The following MYO16 variants were observed in gnomAD, a reference collection of about 807,000 sequenced individuals.
The protein encoded by MYO16 is myosin XVI.
A neutral mutation model predicts 205.3 loss-of-function variants in MYO16; 94 were observed. The observed-to-expected ratio is 0.46, with a 90% CI of 0.39 to 0.54. The LOEUF (loss-of-function observed/expected upper bound fraction) is 0.54. Among genes scored for constraint, MYO16 ranks in the 20% least tolerant of loss-of-function variants. MYO16 has a pLI of 0.00. For synonymous variants in MYO16, 988 were observed against 954.0 expected, an observed-to-expected ratio of 1.04 and a Z score of -0.66; for missense variants, 2,315 against 2,387.5, an observed-to-expected ratio of 0.97 and a Z score of 0.63.
chr13:108,787,517 C>T (rs139112819), intron 5 of MYO16, among the ~76,000 whole-genome samples: 134 of 152,288 alleles, frequency 8.8e-4, no homozygotes, highest in Non-Finnish European at 1.7e-3. Context: ...TAAACCTCTC[C>T]AACTCATTAC....
At chr13:109,078,809 G>T (rs948173291) in intron 27 of MYO16, among the ~76,000 whole-genome samples, 2 of 152,126 alleles carry the variant, frequency 1.3e-5, no homozygotes, top group African/African-American at 4.8e-5. Context: ...ATCGAGTTTT[G>T]TACGCAGTGC....
intron 20 of MYO16, among the ~76,000 whole-genome samples, chr13:108,981,410 A>G (rs1181147956): frequency 6.6e-6 from 1 of 152,248 alleles, no homozygotes; most frequent in East Asian, 1.9e-4. Flanking sequence ...GTACAATATA[A>G]GTTTGATGCT....
At chr13:108,872,798 TATATC>T (rs1394230133) in intron 12 of MYO16, among the ~76,000 whole-genome samples, 2 of 152,104 alleles carry the variant, frequency 1.3e-5, no homozygotes, top group African/African-American at 4.8e-5. Context: ...ATACAAAAAA[TATATC>T]AGGTAAAAGA....
intron 16 of MYO16, among the ~76,000 whole-genome samples, chr13:108,926,683 C>T (rs1882022516): frequency 6.6e-6 from 1 of 152,084 alleles, no homozygotes. Flanking sequence ...GATGTTTTCT[C>T]AAGCAGTTTT....
In MYO16 at chr13:108,600,588, A is replaced by C. The variant is rs563425829; in HGVS notation, c.-39+4349A>C. Among the ~76,000 whole-genome samples the C allele has an allele frequency of 5.9e-5, 9 of 152,312 alleles. No individual in the cohort carries two copies. The South Asian group carries it at 1.9e-3, about 32-fold the overall frequency. On this transcript the variant is annotated intron_variant, in intron 1 of 24. Transcript: ENST00000251041. ...TTTAAAAATAGTTCCCTAGGAGAGA[A>C]GCAAAACTAAAAAACAAAAGGTAAA... is the stretch of plus-strand genomic sequence containing the variant.
intron 1 of MYO16, among the ~76,000 whole-genome samples, chr13:108,598,593 G>T (rs1878646294): frequency 6.6e-6 from 1 of 152,136 alleles, no homozygotes; most frequent in East Asian, 1.9e-4. Flanking sequence ...TCCACTTTCT[G>T]TTCCTGGACT....
intron 6 of MYO16, among the ~76,000 whole-genome samples, chr13:108,795,355 CATGT>C (rs1886754427): frequency 6.6e-6 from 1 of 152,014 alleles, no homozygotes; most frequent in Non-Finnish European, 1.5e-5. Context: ...ACTACAGGCG[CATGT>C]CACCACGCCC....
chr13:108,525,903 T>A, the MYO16 span, among the ~76,000 whole-genome samples: 1 of 151,948 alleles, frequency 6.6e-6, no homozygotes, highest in Non-Finnish European at 1.5e-5. Context: ...TTGTTTTAAG[T>A]GTGGCAACAG....
intron 23 of MYO16, among the ~76,000 whole-genome samples, chr13:109,045,883 G>C (rs1158320288): frequency 1.3e-5 from 2 of 152,164 alleles, no homozygotes; most frequent in Non-Finnish European, 2.9e-5. Context: ...AAAGAACTCA[G>C]GTTAGCCATC....
At chr13:108,630,745 A>T (rs1352126393) in intron 1 of MYO16, among the ~76,000 whole-genome samples, 1 of 152,210 alleles carries the variant, frequency 6.6e-6, no homozygotes, top group Non-Finnish European at 1.5e-5. Context: ...TGTTAAATTG[A>T]AGCAGCATAT....
At chr13:108,561,064 T>C in the MYO16 span, among the ~76,000 whole-genome samples, 16 of 152,230 alleles carry the variant, frequency 1.1e-4, no homozygotes, top group Non-Finnish European at 2.1e-4. Flanking sequence ...TCATGATGCA[T>C]ATACAAGGCT....
the MYO16 span, among the ~76,000 whole-genome samples, chr13:108,516,673 A>G: frequency 2.6e-5 from 4 of 152,172 alleles, no homozygotes; most frequent in Non-Finnish European, 5.9e-5. Context: ...TTACTTTCAT[A>G]GCATTTATTT....
rs1475651978 is a variant in MYO16, at chr13:108,806,784, T to C, written c.847T>C (p.Leu283=). 2 of 1,550,708 alleles carry C rather than the reference T, an allele frequency of 1.3e-6. No individual in the cohort carries two copies. The highest frequency in any genetic ancestry group is 1.7e-5 in the Admixed American group (1 of 58,448). The part of the protein sequence containing the change: ...VDDQYWTPLH[L]AAKYGQTNLV... ...TGATCAGTACTGGACTCCCCTCCAC[T>C]TGGCAGCCAAATATGGCCAGGTAGA... The change falls in exon 7 of 35, where the codon TTG becomes CTG. Residue 283 remains leucine (L), a synonymous_variant. Transcript: ENST00000457511.
intron 9 of MYO16, among the ~76,000 whole-genome samples, chr13:108,829,946 A>G (rs796784769): frequency 6.8e-6 from 1 of 147,708 alleles, no homozygotes; most frequent in African/African-American, 2.5e-5. Context: ...AAAAGTGGGC[A>G]AAGGACATGA....
intron 32 of MYO16, among the ~76,000 whole-genome samples, chr13:109,155,720 A>G (rs7334347): frequency 0.023 from 3,433 of 152,298 alleles, 59 homozygotes; most frequent in Non-Finnish European, 0.034. Context: ...ACGTTTTCAA[A>G]AGGCAATTAG....
intron 6 of MYO16, among the ~76,000 whole-genome samples, chr13:108,798,685 CTTATTTTTTTTTTTT>C (rs1566336131): frequency 1.9e-5 from 2 of 105,210 alleles, no homozygotes; most frequent in African/African-American, 7.2e-5. Context: ...GGCCCCGAGG[CTTATTTTTTTTTTTT>C]TTTTTTTTTT....
chr13:109,096,478 C>T (rs1888781121), intron 27 of MYO16, among the ~76,000 whole-genome samples: 1 of 152,202 alleles, frequency 6.6e-6, no homozygotes, highest in African/African-American at 2.4e-5. Flanking sequence ...CAGCCCATAA[C>T]AGCATCCCTG....
rs1053459497 is a variant in MYO16 at position 108,737,923 on chromosome 13, T to C, written c.507+10340T>C. ...TTCTAGATTTTCTAGTTTATTTGTG[T>C]AGAGGTGTTTATAATATTCTCTGAT... On this transcript the variant is annotated intron_variant, in intron 4 of 34. Transcript: ENST00000457511. Among the ~76,000 whole-genome samples the C allele has an allele frequency of 2.6e-5, 4 of 152,242 alleles. 1 individual carries two copies. The South Asian group carries it at 8.3e-4, about 32-fold the overall frequency.
chr13:109,181,816 A>ATTT (rs61381548), intron 34 of MYO16, among the ~76,000 whole-genome samples: 1 of 126,260 alleles, frequency 7.9e-6, no homozygotes, highest in Non-Finnish European at 1.6e-5. Context: ...TTATTTATTT[A>ATTT]TTTTATTTTA....
Sources: allele counts gnomAD v4.1 joint callset (sites outside exome capture counted in the v4.1 genomes callset), GRCh38; gene constraint gnomAD v4.1.1; transcripts MANE v1.5; gene names NCBI Gene and HGNC (gene_info 2026-07-23, HGNC 2026-07-21).